The following DCC variants were observed in gnomAD, a reference collection of about 807,000 sequenced individuals.
DCC encodes the protein DCC netrin 1 receptor.
DCC carries 58 observed loss-of-function variants against 172.5 expected under a neutral mutation model. That is an observed-to-expected ratio of 0.34 (90% CI 0.27 to 0.42). The LOEUF (loss-of-function observed/expected upper bound fraction) is 0.42. Among genes scored for constraint, DCC ranks in the 10% least tolerant of loss-of-function variants. DCC has a pLI of 1.00. For missense variants in DCC, 1,740 were observed against 1,791.0 expected (o/e 0.97, Z 0.51); for synonymous variants, 709 against 644.5 (o/e 1.10, Z -1.52).
At chr18:52,700,364 C>T (rs920901797) in intron 1 of DCC, among the ~76,000 whole-genome samples, 20 of 150,416 alleles carry the variant, frequency 1.3e-4, no homozygotes, top group Admixed American at 1.3e-4. Context: ...CATGCACACA[C>T]ACACATGCAC....
At chr18:53,313,249 A>G (rs1427819159) in intron 13 of DCC, among the ~76,000 whole-genome samples, 1 of 151,736 alleles carries the variant, frequency 6.6e-6, no homozygotes, top group Non-Finnish European at 1.5e-5. Flanking sequence ...TATTATTGTT[A>G]TTATTATTAT....
At chr18:52,911,605 G>C (rs924312430) in intron 3 of DCC, among the ~76,000 whole-genome samples, 7 of 152,054 alleles carry the variant, frequency 4.6e-5, no homozygotes, top group African/African-American at 9.6e-5. Context: ...TAACTTTGTT[G>C]ATGATTGGGC....
chr18:52,544,144 C>T (rs1666502089), intron 1 of DCC, among the ~76,000 whole-genome samples: 1 of 152,186 alleles, frequency 6.6e-6, no homozygotes, highest in Non-Finnish European at 1.5e-5. Context: ...AAAATGTATG[C>T]TTATCCCACC....
chr18:52,361,696 C>T (rs1300078651), intron 1 of DCC, among the ~76,000 whole-genome samples: 8 of 152,160 alleles, frequency 5.3e-5, no homozygotes, highest in Non-Finnish European at 7.3e-5. Flanking sequence ...TTACTGAATT[C>T]GAATCTACAT....
intron 2 of DCC, among the ~76,000 whole-genome samples, chr18:52,774,266 G>A (rs1012665448): frequency 6.6e-6 from 1 of 152,158 alleles, no homozygotes; most frequent in African/African-American, 2.4e-5. Flanking sequence ...AGGTGATTCT[G>A]GTGCACACTC....
intron 1 of DCC, among the ~76,000 whole-genome samples, chr18:52,452,416 A>G (rs1317798110): frequency 1.3e-5 from 2 of 152,140 alleles, no homozygotes; most frequent in Admixed American, 6.5e-5. Context: ...TTCCTATCCT[A>G]TGTTACTCAC....
intron 1 of DCC, among the ~76,000 whole-genome samples, chr18:52,391,349 A>G (rs1986023535): frequency 6.6e-6 from 1 of 152,086 alleles, no homozygotes. Flanking sequence ...TTTTAAGCCA[A>G]CAAGCATATA....
chr18:53,519,826 C>CA (rs1232826159), intron 27 of DCC, among the ~76,000 whole-genome samples: 1 of 152,080 alleles, frequency 6.6e-6, no homozygotes, highest in African/African-American at 2.4e-5. Context: ...AAAAAGTCAT[C>CA]AAAAATTCTA....
intron 8 of DCC, among the ~76,000 whole-genome samples, chr18:53,175,437 C>T (rs1478628352): frequency 6.6e-6 from 1 of 152,062 alleles, no homozygotes; most frequent in Non-Finnish European, 1.5e-5. Flanking sequence ...CCCATCGTCT[C>T]AACCCAAAAT....
intron 1 of DCC, among the ~76,000 whole-genome samples, chr18:52,473,175 A>C (rs1445288298): frequency 6.6e-6 from 1 of 152,222 alleles, no homozygotes; most frequent in African/African-American, 2.4e-5. Flanking sequence ...ACACTGAACT[A>C]GGAGTCAAAA....
intron 5 of DCC, among the ~76,000 whole-genome samples, chr18:52,966,251 G>A (rs143471453): frequency 0.013 from 2,049 of 152,272 alleles, 61 homozygotes; most frequent in African/African-American, 0.047. Context: ...TATAAACTCT[G>A]CTAACTTGAA....
intron 24 of DCC, 55 bp downstream of exon 24, chr18:53,459,513 G>GT: frequency 8.8e-7 from 1 of 1,132,438 alleles, no homozygotes; most frequent in Non-Finnish European, 1.3e-6. Flanking sequence ...ACCCAAGGGA[G>GT]TTTTTCACTC....
At chr18:52,538,570 A>C (rs552410803) in intron 1 of DCC, among the ~76,000 whole-genome samples, 1 of 152,118 alleles carries the variant, frequency 6.6e-6, no homozygotes, top group South Asian at 2.1e-4. Flanking sequence ...GGTTTTGTCT[A>C]TCTCCTTCCA....
intron 2 of DCC, among the ~76,000 whole-genome samples, chr18:52,899,346 T>C (rs1380114291): frequency 3.1e-3 from 15 of 4,906 alleles, no homozygotes; most frequent in Non-Finnish European, 7.0e-3. Context: ...TTCTTTCCTT[T>C]TTTTTTTTTT....
intron 7 of DCC, among the ~76,000 whole-genome samples, chr18:53,089,053 C>A (rs899252713): frequency 3.3e-5 from 5 of 152,104 alleles, no homozygotes; most frequent in Non-Finnish European, 7.4e-5. Context: ...TTTTATAAAT[C>A]AATGCAATGA....
chr18:52,763,259 A>G (rs1422545755), intron 2 of DCC, among the ~76,000 whole-genome samples: 1 of 152,270 alleles, frequency 6.6e-6, no homozygotes, highest in African/African-American at 2.4e-5. Flanking sequence ...AGTATGTTAA[A>G]GATTAATAAA....
intron 1 of DCC, among the ~76,000 whole-genome samples, chr18:52,380,875 GA>G (rs1211849650): frequency 6.6e-6 from 1 of 152,114 alleles, no homozygotes; most frequent in Non-Finnish European, 1.5e-5. Context: ...GAAGAGAAAT[GA>G]AAGATTCTTC....
chr18:53,502,552 G>A (rs1177775361), intron 27 of DCC, among the ~76,000 whole-genome samples: 7 of 149,476 alleles, frequency 4.7e-5, no homozygotes, highest in Admixed American at 4.6e-4. Context: ...AACAAGTTTT[G>A]ATTCTAAGAA....
chr18:53,194,992 T>A (rs574814668), intron 9 of DCC, among the ~76,000 whole-genome samples: 1 of 152,336 alleles, frequency 6.6e-6, no homozygotes, highest in African/African-American at 2.4e-5. Flanking sequence ...GTAACAATAT[T>A]AACTAACATA....
Sources: gnomAD v4.1 joint callset for allele counts (sites outside exome capture counted in the v4.1 genomes callset) on GRCh38, gnomAD v4.1.1 for gene constraint, MANE v1.5 for transcripts, NCBI Gene and HGNC (gene_info 2026-07-23, HGNC 2026-07-21) for gene names.